The following TRPC3 variants were observed in gnomAD, a reference collection of about 807,000 sequenced individuals.
TRPC3 encodes short transient receptor potential channel 3.
TRPC3 carries 54 observed loss-of-function variants against 90.9 expected under a neutral mutation model. The observed-to-expected ratio is 0.59, with a 90% CI of 0.48 to 0.75. The LOEUF is 0.75. Ranked by LOEUF, TRPC3 falls within the 30% of genes least tolerant of loss-of-function variation. The probability of loss-of-function intolerance (pLI) is 0.00; values close to 1 mark genes in which losing one functional copy is unlikely to be tolerated. For missense variants in TRPC3, 918 were observed against 1,194.5 expected, an observed-to-expected ratio of 0.77 and a Z score of 3.41; for synonymous variants, 424 against 450.9, an observed-to-expected ratio of 0.94 and a Z score of 0.75.
intron 2 of TRPC3, among the ~76,000 whole-genome samples, chr4:121,930,322 T>C (rs1278557704): frequency 6.6e-6 from 1 of 152,166 alleles, no homozygotes. Context: ...TGCTTAACCT[T>C]ATAGATATTT....
intron 10 of TRPC3, among the ~76,000 whole-genome samples, chr4:121,890,286 G>T (rs545300489): frequency 6.6e-6 from 1 of 152,098 alleles, no homozygotes; most frequent in Admixed American, 6.5e-5. Flanking sequence ...ACATTGTATT[G>T]TATGTTTTAA....
At chr4:121,940,069 G>A (rs1730255323) in intron 1 of TRPC3, among the ~76,000 whole-genome samples, 1 of 152,158 alleles carries the variant, frequency 6.6e-6, no homozygotes, top group Non-Finnish European at 1.5e-5. Context: ...TGTGCTGAAT[G>A]CTGGTAGACA....
At chr4:121,921,521 CA>C (rs536564094) in intron 3 of TRPC3, among the ~76,000 whole-genome samples, 1,511 of 56,936 alleles carry the variant, frequency 0.027, 12 homozygotes, top group African/African-American at 0.081. Flanking sequence ...GACTCCGTCT[CA>C]AAAAAAAAAA....
chr4:121,935,422 GTGTGT>G (rs1560715686), intron 1 of TRPC3, among the ~76,000 whole-genome samples: 13 of 44,648 alleles, frequency 2.9e-4, no homozygotes, highest in African/African-American at 6.0e-4. Context: ...TGTGTGGGGT[GTGTGT>G]GTGTGTGTGT....
At chr4:121,943,582 G>C (rs1560720061) in intron 1 of TRPC3, among the ~76,000 whole-genome samples, 1 of 152,044 alleles carries the variant, frequency 6.6e-6, no homozygotes, top group Non-Finnish European at 1.5e-5. Flanking sequence ...AGGAAGACTA[G>C]TGACAATGAA....
chr4:121,949,665 A>G (rs1351625973), intron 1 of TRPC3, among the ~76,000 whole-genome samples: 1 of 152,222 alleles, frequency 6.6e-6, no homozygotes, highest in African/African-American at 2.4e-5. Flanking sequence ...CCCTGCCTCT[A>G]GAAGAAACGT....
chr4:121,911,083 G>T (rs1312327883), intron 5 of TRPC3, among the ~76,000 whole-genome samples: 2 of 152,086 alleles, frequency 1.3e-5, no homozygotes. Flanking sequence ...AAATACTGTA[G>T]AATTTTTAAA....
At chr4:121,938,228 TC>T in intron 1 of TRPC3, among the ~76,000 whole-genome samples, 1 of 152,278 alleles carries the variant, frequency 6.6e-6, no homozygotes, top group African/African-American at 2.4e-5. Flanking sequence ...TGACCTCAGG[TC>T]CCACATATAC....
Position 121,928,241 on chromosome 4 carries a change from T to TA in TRPC3, c.988-3036dup, listed in dbSNP as rs370944896. ...ACATCCACTGAAAGATCAATAAAGATAAAAAAACTGATAATCAAACATGTT... is the reference window on the plus strand; with the variant it reads ...ACATCCACTGAAAGATCAATAAAGATAAAAAAAACTGATAATCAAACATGTT... On this transcript the variant is annotated intron_variant, in intron 2 of 11. Transcript: ENST00000379645. Among the ~76,000 whole-genome samples, 212 of 152,314 alleles carry TA rather than the reference T, an allele frequency of 1.4e-3. 1 individual carries two copies. Among genetic ancestry groups the TA allele is most frequent in the African/African-American group, 4.8e-3 (200 of 41,568 alleles).
At position 121,951,738 on chromosome 4, in the gene TRPC3, G is replaced by T. The variant is rs957557617; in HGVS notation, c.-58C>A. On this transcript the variant is annotated 5_prime_UTR_variant, in exon 1 of 12. Coordinates refer to ENST00000379645, the MANE Select transcript of TRPC3 (RefSeq NM_001130698.2). The surrounding 1 kb of genome is among the most constrained non-coding windows in gnomAD (Gnocchi z 4.4). ...GGCTGCCGGCCTCCTCCGCCTTCGC[G>T]GCAGTGCAGTCTTCCCGCGGCGCCC... 6 of 1,261,090 alleles carry T rather than the reference G, an allele frequency of 4.8e-6. No individual in the cohort carries two copies. The African/African-American group carries it at 9.4e-5, about 20-fold the overall frequency. 78.1% of individuals were successfully genotyped at this position (1,261,090 alleles called of 1,614,324 possible).
Position 121,886,362 on chromosome 4 carries a change from T to C in TRPC3, c.2548-3933A>G, listed in dbSNP as rs566458045. Among the ~76,000 whole-genome samples the C allele has an allele frequency of 6.0e-4, 92 of 152,282 alleles. 2 individuals carry two copies. The South Asian group carries it at 0.018, about 30-fold the overall frequency. ...TGTGAATGAAGGGTAATAAGACTGA[T>C]GTAGACAAATAGAAAAAAAACTCAG... is the stretch of plus-strand genomic sequence containing the variant. On this transcript the variant is annotated intron_variant, in intron 10 of 11. Transcript: ENST00000379645.
In TRPC3 at chr4:121,878,365, T is replaced by G. The variant is rs1727828046; in HGVS notation, c.*1371A>C. On this transcript the variant is annotated 3_prime_UTR_variant, in exon 12 of 12. Coordinates refer to ENST00000379645, the MANE Select transcript of TRPC3 (RefSeq NM_001130698.2). Reference sequence around the variant, plus strand: ...TGATAGCAATGATTTTAAAGTAGCATGTATTTAGTTGGTTTTAAGGACCTC... The same window carrying G: ...TGATAGCAATGATTTTAAAGTAGCAGGTATTTAGTTGGTTTTAAGGACCTC... Among the ~76,000 whole-genome samples the G allele has an allele frequency of 6.6e-6, 1 of 152,248 alleles. No homozygotes were observed. Among genetic ancestry groups the G allele is most frequent in the African/African-American group, 2.4e-5 (1 of 41,472 alleles).
In TRPC3 at chr4:121,945,379, G is replaced by A. The variant is rs557875304; in HGVS notation, c.215+6087C>T. ...CCCTAAACAAGGAGAACAAGGAATT[G>A]CAACACAAATTTCATCTTCCATGAA... On this transcript the variant is annotated intron_variant, in intron 1 of 11. Coordinates refer to ENST00000379645, the MANE Select transcript of TRPC3 (RefSeq NM_001130698.2). 2.6e-5 allele frequency among the ~76,000 whole-genome samples: 4 copies of A among 152,278 alleles called. No homozygotes were observed. The South Asian group carries it at 8.3e-4, about 32-fold the overall frequency.
chr4:121,934,071 T>C (rs1730049220), intron 1 of TRPC3, among the ~76,000 whole-genome samples: 1 of 152,214 alleles, frequency 6.6e-6, no homozygotes, highest in South Asian at 2.1e-4. Context: ...CGCACTGAAA[T>C]CCTAACACAA....
Position 121,951,764 on chromosome 4 carries a change from C to T in TRPC3, c.-84G>A, listed in dbSNP as rs1730777528. 2.6e-6 allele frequency: 3 copies of T among 1,147,408 alleles called. No individual in the cohort carries two copies. Among genetic ancestry groups the T allele is most frequent in the Non-Finnish European group, 1.1e-6 (1 of 889,190 alleles). 71.1% of individuals were successfully genotyped at this position (1,147,408 alleles called of 1,614,324 possible). ...GCAGTGCAGTCTTCCCGCGGCGCCC[C>T]TTCACCACCTCCCGCGGCTTCCGGG... On this transcript the variant is annotated 5_prime_UTR_variant, in exon 1 of 12. Transcript: ENST00000379645. This position sits in a 1 kb window ranked among gnomAD's most constrained non-coding sequence, Gnocchi z 4.4.
In TRPC3 at chr4:121,875,024, C is replaced by T. The variant is rs1727726221; in HGVS notation, c.*4712G>A. Among the ~76,000 whole-genome samples the T allele has an allele frequency of 6.6e-6, 1 of 151,590 alleles. No homozygotes were observed. The highest frequency in any genetic ancestry group is 2.4e-5 in the African/African-American group (1 of 41,188). On this transcript the variant is annotated 3_prime_UTR_variant, in exon 12 of 12. Coordinates refer to ENST00000379645, the MANE Select transcript of TRPC3 (RefSeq NM_001130698.2). The stretch of plus-strand genomic sequence containing the variant: ...TAAAGATAAACATTTCAATATGTCA[C>T]AACAATGTTTAAATGAAAACAAAAA...
At chr4:121,914,581 GT>G (rs140477321) in intron 4 of TRPC3, among the ~76,000 whole-genome samples, 198 bp downstream of exon 4, 5,373 of 152,280 alleles carry the variant, frequency 0.035, 319 homozygotes, top group African/African-American at 0.12. Context: ...TGCAAATGTG[GT>G]ATATCCCACT....
At chr4:121,922,732 G>T (rs1431059275) in intron 3 of TRPC3, among the ~76,000 whole-genome samples, 1 of 152,156 alleles carries the variant, frequency 6.6e-6, no homozygotes, top group African/African-American at 2.4e-5. Context: ...CATATTGCAG[G>T]ATGTGTGAAT....
intron 10 of TRPC3, among the ~76,000 whole-genome samples, chr4:121,883,783 C>T (rs1728019453): frequency 6.6e-6 from 1 of 152,126 alleles, no homozygotes; most frequent in African/African-American, 2.4e-5. Context: ...ATTGCACAGG[C>T]TTGCCTCAAA....
Sources: allele counts gnomAD v4.1 joint callset (sites outside exome capture counted in the v4.1 genomes callset), GRCh38; gene constraint gnomAD v4.1.1; non-coding constraint Gnocchi (gnomAD v3.1); transcripts MANE v1.5; gene names NCBI Gene and HGNC (gene_info 2026-07-23, HGNC 2026-07-21).